Variants in LRRC31 observed in about 807,000 individuals in gnomAD.
LRRC31 encodes the protein leucine-rich repeat-containing protein 31.
In LRRC31, 35 loss-of-function variants were observed where a neutral mutation model predicts 46.7. The ratio of observed to expected loss-of-function variants is 0.75; its 90% confidence interval spans 0.57 to 0.99. The LOEUF (loss-of-function observed/expected upper bound fraction) is 0.99, where lower values mean the gene tolerates loss of function less well. Ranked by LOEUF, LRRC31 falls within the 50% of genes least tolerant of loss-of-function variation. The probability of loss-of-function intolerance (pLI) is 0.00; values close to 1 mark genes in which losing one functional copy is unlikely to be tolerated. For missense variants in LRRC31, 613 were observed against 626.1 expected (o/e 0.98, Z 0.22); for synonymous variants, 236 against 235.1 (o/e 1.00, Z -0.03).
intron 1 of LRRC31, among the ~76,000 whole-genome samples, chr3:169,863,130 T>A (rs925313431): frequency 6.6e-6 from 1 of 151,824 alleles, no homozygotes; most frequent in Admixed American, 6.6e-5. Flanking sequence ...GTGATCCACC[T>A]ACCCGGCCTC....
chr3:169,846,629 CA>C (rs1372843616), intron 8 of LRRC31, among the ~76,000 whole-genome samples: 1 of 150,522 alleles, frequency 6.6e-6, no homozygotes, highest in Non-Finnish European at 1.5e-5. Context: ...GCCTGGGTGA[CA>C]GAGTGAAACT....
intron 2 of LRRC31, among the ~76,000 whole-genome samples, chr3:169,860,961 G>A (rs545042165): frequency 1.3e-5 from 2 of 152,054 alleles, no homozygotes; most frequent in South Asian, 2.1e-4. Flanking sequence ...AATAACTGCA[G>A]TCTGAAAATG....
chr3:169,864,793 C>A (rs1377540641), intron 1 of LRRC31, among the ~76,000 whole-genome samples: 1 of 152,132 alleles, frequency 6.6e-6, no homozygotes, highest in Non-Finnish European at 1.5e-5. Flanking sequence ...ATCTGTGAAA[C>A]CGGCCAGGTG....
chr3:169,861,784 T>G lies in LRRC31; in HGVS notation c.205A>C (p.Arg69=). The change falls in exon 2 of 9, where the codon AGA becomes CGA. Residue 69 remains arginine (R), a synonymous_variant. Transcript: ENST00000316428. ...TGCTCATTTTTCTCCATACTGGATC[T>G]CCATTCCATTTCTGAACTGAGAGGC... ...AKPLSSEMEW[R]SSMEKNEHFL... is the part of the protein sequence containing the mutation. 6.2e-7 allele frequency: 1 copy of G among 1,614,154 alleles called. No individual in the cohort carries two copies.
chr3:169,862,369 A>G (rs2178401), intron 1 of LRRC31, among the ~76,000 whole-genome samples: 43,763 of 151,924 alleles, frequency 0.29, 7,042 homozygotes, highest in East Asian at 0.63. Context: ...CTTTTTCTCA[A>G]CTCCTGCCAG....
In LRRC31 at chr3:169,848,182, A is replaced by T; in HGVS notation, c.1265T>A (p.Met422Lys). The change falls in exon 8 of 9, where the codon ATG (methionine) becomes AAG (lysine). Residue 422 changes from methionine to lysine, a missense_variant. Met to Lys is a moderately conservative substitution (Grantham distance 95, BLOSUM62 -1). Coordinates refer to ENST00000316428, the MANE Select transcript of LRRC31 (RefSeq NM_024727.4). ...GCTCAGCCTCAGCACTTGAAGAGAC[A>T]TGGAAAGCTTTAGTGTTTCCAGAAG... Reference protein sequence around the residue: ...KLLLETLKLSMSLQVLRLSSC... With the variant: ...KLLLETLKLSKSLQVLRLSSC... 1 of 1,614,224 alleles carries T rather than the reference A, an allele frequency of 6.2e-7. No individual in the cohort carries two copies. The highest frequency in any genetic ancestry group is 8.5e-7 in the Non-Finnish European group (1 of 1,180,040).
At chr3:169,856,089 G>C (rs568779768) in intron 5 of LRRC31, among the ~76,000 whole-genome samples, 1 of 151,448 alleles carries the variant, frequency 6.6e-6, no homozygotes, top group African/African-American at 2.4e-5. Context: ...CACCATGTTG[G>C]CCAGGCTGGT....
intron 1 of LRRC31, among the ~76,000 whole-genome samples, chr3:169,867,244 G>GTCTTT (rs1416689183): frequency 7.9e-6 from 1 of 127,008 alleles, no homozygotes; most frequent in Non-Finnish European, 1.6e-5. Context: ...TAGAGATGGA[G>GTCTTT]TCTTTTTTTT....
At chr3:169,841,182 C>A (rs766211047) in intron 8 of LRRC31, among the ~76,000 whole-genome samples, 1 of 152,204 alleles carries the variant, frequency 6.6e-6, no homozygotes, top group Non-Finnish European at 1.5e-5. Flanking sequence ...CAGCTCCTAG[C>A]GGGAGGAAGC....
chr3:169,859,397 G>C (rs1781079241), intron 3 of LRRC31, among the ~76,000 whole-genome samples: 2 of 152,196 alleles, frequency 1.3e-5, no homozygotes, highest in Non-Finnish European at 2.9e-5. Flanking sequence ...GGAGGCATGG[G>C]CCGGGGGACG....
rs1368852417 is a variant in LRRC31 at position 169,839,234 on chromosome 3, C to A, written c.*748G>T. 6.6e-6 allele frequency: 1 copy of A among 152,184 alleles called. No individual in the cohort carries two copies. Among genetic ancestry groups the A allele is most frequent in the Non-Finnish European group, 1.5e-5 (1 of 68,032 alleles). The allele number at this position is 152,184 out of a possible 1,614,324, so 9.4% of individuals were successfully genotyped here. ...TCCATTTCAAAGAAATGCCTGGAGG[C>A]AATATGTTAACAATTTTTTAAACAA... On this transcript the variant is annotated 3_prime_UTR_variant, in exon 9 of 9. Coordinates refer to ENST00000316428, the MANE Select transcript of LRRC31 (RefSeq NM_024727.4).
intron 1 of LRRC31, among the ~76,000 whole-genome samples, chr3:169,866,430 A>G (rs1689682065): frequency 6.6e-6 from 1 of 152,196 alleles, no homozygotes; most frequent in Non-Finnish European, 1.5e-5. Context: ...TGCACTGTTA[A>G]TTTAATCACA....
intron 3 of LRRC31, among the ~76,000 whole-genome samples, chr3:169,859,705 G>A (rs990844598): frequency 6.6e-6 from 1 of 152,084 alleles, no homozygotes; most frequent in East Asian, 1.9e-4. Flanking sequence ...TTTGTTTAAT[G>A]TTTCAAAATG....
intron 8 of LRRC31, among the ~76,000 whole-genome samples, chr3:169,842,562 G>A (rs1283813606): frequency 6.6e-6 from 1 of 152,058 alleles, no homozygotes; most frequent in Non-Finnish European, 1.5e-5. Flanking sequence ...TGTTGGCCAG[G>A]CTGGTCTCGA....
At chr3:169,853,328 T>C (rs2108211326) in intron 6 of LRRC31, 1 of 985,364 alleles carries the variant, frequency 1.0e-6, no homozygotes, top group East Asian at 1.1e-4. Context: ...AGGATGTATT[T>C]TCATTTCCAT....
intron 7 of LRRC31, among the ~76,000 whole-genome samples, chr3:169,849,005 T>C (rs868583713): frequency 6.6e-6 from 1 of 152,252 alleles, no homozygotes; most frequent in African/African-American, 2.4e-5. Flanking sequence ...CCAAAACTTA[T>C]TTGTATTTAC....
intron 3 of LRRC31, among the ~76,000 whole-genome samples, chr3:169,859,690 C>G (rs1781086330): frequency 1.3e-5 from 2 of 152,072 alleles, no homozygotes; most frequent in Admixed American, 1.3e-4. Flanking sequence ...ACTTAAAAAT[C>G]TTGTTTTGTT....
intron 1 of LRRC31, among the ~76,000 whole-genome samples, chr3:169,862,234 G>A (rs1171638331): frequency 2.0e-5 from 3 of 152,210 alleles, no homozygotes; most frequent in South Asian, 2.1e-4. Flanking sequence ...AAGGGAAAGC[G>A]TTGAAATCAC....
At chr3:169,850,453 C>T (rs1458233134) in intron 7 of LRRC31, among the ~76,000 whole-genome samples, 1 of 152,160 alleles carries the variant, frequency 6.6e-6, no homozygotes. Context: ...TGTTCTAGGG[C>T]CCATGGACCC....
Sources: gnomAD v4.1 joint callset for allele counts (sites outside exome capture counted in the v4.1 genomes callset) on GRCh38, gnomAD v4.1.1 for gene constraint, MANE v1.5 for transcripts, NCBI Gene and HGNC (gene_info 2026-07-23, HGNC 2026-07-21) for gene names.